Variants in DPP6 observed in about 807,000 individuals in gnomAD.
DPP6 encodes dipeptidyl peptidase like 6.
Under a neutral mutation model 122.6 loss-of-function variants are expected in DPP6, and 69 were observed. That is an observed-to-expected ratio of 0.56 (90% CI 0.46 to 0.69). DPP6 has a LOEUF of 0.69. Among genes scored for constraint, DPP6 ranks in the 30% least tolerant of loss-of-function variants. DPP6 has a pLI of 0.00. For missense variants in DPP6, 928 were observed against 1,116.9 expected, an observed-to-expected ratio of 0.83 and a Z score of 2.41; for synonymous variants, 418 against 433.1, an observed-to-expected ratio of 0.97 and a Z score of 0.43.
chr7:154,442,863 C>A (rs1214341961), intron 1 of DPP6, among the ~76,000 whole-genome samples: 1 of 152,188 alleles, frequency 6.6e-6, no homozygotes, highest in Admixed American at 6.5e-5. Flanking sequence ...ACCTCCATTA[C>A]CCCTGTGCCT....
chr7:154,870,680 T>G (rs1804306369), intron 18 of DPP6, among the ~76,000 whole-genome samples: 1 of 151,400 alleles, frequency 6.6e-6, no homozygotes, highest in African/African-American at 2.4e-5. Flanking sequence ...ATGTGTGTAT[T>G]GGCCAGTCAC....
At chr7:154,240,523 G>T (rs1282525160) in intron 1 of DPP6, among the ~76,000 whole-genome samples, 1 of 152,212 alleles carries the variant, frequency 6.6e-6, no homozygotes, top group Admixed American at 6.5e-5. Flanking sequence ...GCAAGAAAGA[G>T]TGAAATAACT....
chr7:153,847,640 G>C, the DPP6 span, among the ~76,000 whole-genome samples: 1 of 152,126 alleles, frequency 6.6e-6, no homozygotes. Context: ...TGTAAGTATG[G>C]ACCTTATAGA....
intron 1 of DPP6, among the ~76,000 whole-genome samples, chr7:154,102,962 G>A (rs1384644991): frequency 3.3e-5 from 5 of 152,088 alleles, no homozygotes; most frequent in African/African-American, 1.2e-4. Flanking sequence ...TCCTCTGAGG[G>A]CCTGGGGTAA....
chr7:154,547,996 G>A (rs941700664), intron 4 of DPP6, among the ~76,000 whole-genome samples: 2 of 149,816 alleles, frequency 1.3e-5, no homozygotes, highest in East Asian at 4.0e-4. Context: ...ATCACTTGAG[G>A]TCAGGAGTTC....
At chr7:154,398,865 AT>A (rs1347349520) in intron 1 of DPP6, among the ~76,000 whole-genome samples, 2 of 152,218 alleles carry the variant, frequency 1.3e-5, no homozygotes, top group Non-Finnish European at 2.9e-5. Context: ...ACTGAAGGTC[AT>A]TTCCATGGGA....
At chr7:153,973,467 G>T (rs1272290675) in intron 1 of DPP6, among the ~76,000 whole-genome samples, 1 of 152,120 alleles carries the variant, frequency 6.6e-6, no homozygotes, top group Non-Finnish European at 1.5e-5. Flanking sequence ...GGCAAGATTG[G>T]GGAGGAATTC....
intron 1 of DPP6, among the ~76,000 whole-genome samples, chr7:154,061,126 G>A (rs1238462630): frequency 1.3e-5 from 2 of 148,370 alleles, no homozygotes; most frequent in African/African-American, 4.9e-5. Context: ...GAAATTAAGG[G>A]CAGAAGGCAG....
the DPP6 span, among the ~76,000 whole-genome samples, chr7:153,795,177 C>T: frequency 6.6e-6 from 1 of 152,206 alleles, no homozygotes; most frequent in Non-Finnish European, 1.5e-5. Flanking sequence ...AGCACTTTGG[C>T]AGGCCGAGGT....
intron 1 of DPP6, among the ~76,000 whole-genome samples, chr7:154,219,547 G>A (rs1005527607): frequency 2.0e-5 from 3 of 152,042 alleles, no homozygotes; most frequent in Non-Finnish European, 4.4e-5. Flanking sequence ...CTGTCTTAAT[G>A]GAATCCTTCT....
chr7:154,063,425 GT>G, intron 1 of DPP6, among the ~76,000 whole-genome samples: 1 of 117,476 alleles, frequency 8.5e-6, no homozygotes, highest in South Asian at 3.1e-4. Flanking sequence ...CTGGCTGTTG[GT>G]ACCCCCATCG....
At chr7:154,177,309 T>G (rs1020826856) in intron 1 of DPP6, among the ~76,000 whole-genome samples, 1 of 152,128 alleles carries the variant, frequency 6.6e-6, no homozygotes, top group East Asian at 1.9e-4. Context: ...CCCTTCAAAA[T>G]TAGCTTTACC....
At chr7:154,360,643 G>A (rs1323154793) in intron 1 of DPP6, among the ~76,000 whole-genome samples, 1 of 152,226 alleles carries the variant, frequency 6.6e-6, no homozygotes, top group Non-Finnish European at 1.5e-5. Context: ...GTAGAAGATG[G>A]TTGGCTTGTG....
At chr7:153,879,420 C>T in the DPP6 span, among the ~76,000 whole-genome samples, 3 of 152,230 alleles carry the variant, frequency 2.0e-5, no homozygotes, top group South Asian at 4.1e-4. Flanking sequence ...GATGGAGTCT[C>T]GCTGTGCCAC....
At chr7:154,417,972 T>A (rs913160605) in intron 1 of DPP6, among the ~76,000 whole-genome samples, 1 of 152,224 alleles carries the variant, frequency 6.6e-6, no homozygotes, top group African/African-American at 2.4e-5. Context: ...GCCAAAACCC[T>A]TTCACAAGAG....
intron 3 of DPP6, among the ~76,000 whole-genome samples, chr7:154,500,908 A>C (rs1825181693): frequency 6.6e-6 from 1 of 152,218 alleles, no homozygotes; most frequent in African/African-American, 2.4e-5. Context: ...GGAACTTCCT[A>C]GAGACTTGTT....
chr7:153,825,077 G>T, the DPP6 span, among the ~76,000 whole-genome samples: 3,361 of 152,216 alleles, frequency 0.022, 120 homozygotes, highest in African/African-American at 0.075. Flanking sequence ...TGTGGGAAGC[G>T]TTGTGACACC....
chr7:154,312,386 G>A (rs1001960309), intron 1 of DPP6, among the ~76,000 whole-genome samples: 4 of 152,208 alleles, frequency 2.6e-5, no homozygotes, highest in South Asian at 2.1e-4. Flanking sequence ...TACAAAGCAC[G>A]TTGCTGATAT....
intron 1 of DPP6, among the ~76,000 whole-genome samples, chr7:154,314,588 G>A (rs1034018034): frequency 3.9e-5 from 6 of 152,214 alleles, no homozygotes; most frequent in East Asian, 3.9e-4. Context: ...CCCCTGAGAC[G>A]TGTCAGCAGA....
Sources: gnomAD v4.1 joint callset for allele counts (sites outside exome capture counted in the v4.1 genomes callset) on GRCh38, gnomAD v4.1.1 for gene constraint, MANE v1.5 for transcripts, NCBI Gene and HGNC (gene_info 2026-07-23, HGNC 2026-07-21) for gene names.